Variants in ZDHHC3 observed in about 807,000 individuals in gnomAD.
The protein encoded by ZDHHC3 is zDHHC palmitoyltransferase 3.
Under a neutral mutation model 30.6 loss-of-function variants are expected in ZDHHC3, and 9 were observed. The observed-to-expected ratio is 0.29, with a 90% CI of 0.18 to 0.51. ZDHHC3 has a LOEUF of 0.51. Ranked by LOEUF, ZDHHC3 falls within the 20% of genes least tolerant of loss-of-function variation. The pLI, the probability that ZDHHC3 is intolerant of heterozygous loss-of-function variation, is 0.97. For synonymous variants in ZDHHC3, 136 were observed against 140.2 expected, an observed-to-expected ratio of 0.97 and a Z score of 0.21; for missense variants, 246 against 384.2, an observed-to-expected ratio of 0.64 and a Z score of 3.01.
In ZDHHC3 at chr3:44,926,252, G is replaced by A. The variant is rs1700979925; in HGVS notation, c.*437C>T. The stretch of plus-strand genomic sequence containing the variant: ...GGTTTTATGTCCCATCGGGGAGCCC[G>A]CCACTGCCTCCTGGGCAGTGGGAGG... On this transcript the variant is annotated 3_prime_UTR_variant, in exon 7 of 7. Transcript: ENST00000424952. 7.1e-6 allele frequency: 7 copies of A among 987,132 alleles called. No individual in the cohort carries two copies. Among genetic ancestry groups the A allele is most frequent in the Non-Finnish European group, 8.4e-6 (7 of 831,112 alleles). 61.1% of individuals were successfully genotyped at this position (987,132 alleles called of 1,614,324 possible).
chr3:44,938,959 T>C (rs1218999230), intron 3 of ZDHHC3, among the ~76,000 whole-genome samples: 1 of 152,212 alleles, frequency 6.6e-6, no homozygotes, highest in East Asian at 1.9e-4. Context: ...ACTCGGAGCC[T>C]CTAGTTTCCC....
At chr3:44,970,152 G>T (rs1374415322) in intron 1 of ZDHHC3, among the ~76,000 whole-genome samples, 2 of 152,204 alleles carry the variant, frequency 1.3e-5, no homozygotes, top group African/African-American at 4.8e-5. Context: ...CCTAAAAAGG[G>T]GAGCCATTTG....
Position 44,929,294 on chromosome 3 carries a change from C to T in ZDHHC3, c.741+12G>A. The stretch of plus-strand genomic sequence containing the variant: ...CCAGGTGTGGAAATGGTGGGCAGAG[C>T]CACCTGCTTACCGTCTCATCTGTGC... On this transcript the variant is annotated intron_variant, in intron 6 of 6. Coordinates refer to ENST00000424952, the MANE Select transcript of ZDHHC3 (RefSeq NM_001135179.2). 1 of 1,613,142 alleles carries T rather than the reference C, an allele frequency of 6.2e-7. No individual in the cohort carries two copies. Among genetic ancestry groups the T allele is most frequent in the Non-Finnish European group, 8.5e-7 (1 of 1,179,514 alleles).
At position 44,921,058 on chromosome 3, in the gene ZDHHC3, C is replaced by T. The variant is rs182256747; in HGVS notation, c.*5631G>A. 2.6e-4 allele frequency: 253 copies of T among 985,390 alleles called. 1 individual carries two copies. Among genetic ancestry groups the T allele is most frequent in the South Asian group, 1.4e-3 (30 of 21,286 alleles). The allele number at this position is 985,390 out of a possible 1,614,324, so 61.0% of individuals were successfully genotyped here. A position where few individuals can be genotyped will look rare whatever the true frequency, so the allele number is the denominator to read the frequency against. Reference sequence around the variant, plus strand: ...AATAGTAGCTTCAGGCTCAAGAGAACGAACAAAAATGGTTGATGCCTGGTA... The same window carrying T: ...AATAGTAGCTTCAGGCTCAAGAGAATGAACAAAAATGGTTGATGCCTGGTA... On this transcript the variant is annotated 3_prime_UTR_variant, in exon 7 of 7. Transcript: ENST00000424952.
intron 2 of ZDHHC3, among the ~76,000 whole-genome samples, chr3:44,950,010 A>C (rs975646023): frequency 1.4e-4 from 21 of 151,676 alleles, no homozygotes; most frequent in African/African-American, 4.8e-4. Flanking sequence ...TAATTACAAA[A>C]ATTTTTTAGA....
chr3:44,922,271 C>T lies in ZDHHC3; in HGVS notation c.*4418G>A, dbSNP rs1700645806. On this transcript the variant is annotated 3_prime_UTR_variant, in exon 7 of 7. Coordinates refer to ENST00000424952, the MANE Select transcript of ZDHHC3 (RefSeq NM_001135179.2). ...TTCAGGTCATGTATCCAGGCTGCTA[C>T]AATGCCCCTGGCTCTAGACTACTCA... The T allele has an allele frequency of 1.0e-6, 1 of 985,348 alleles. No individual in the cohort carries two copies. The highest frequency in any genetic ancestry group is 1.2e-6 in the Non-Finnish European group (1 of 829,950). The allele number at this position is 985,348 out of a possible 1,614,324, so 61.0% of individuals were successfully genotyped here.
chr3:44,976,151 G>T lies in ZDHHC3; in HGVS notation c.-243C>A, dbSNP rs1165333203. The T allele has an allele frequency of 1.4e-5, 11 of 764,928 alleles. No homozygotes were observed. The highest frequency in any genetic ancestry group is 1.8e-5 in the Non-Finnish European group (10 of 541,360). 47.4% of individuals were successfully genotyped at this position (764,928 alleles called of 1,614,324 possible). ...CCCGGCAGTGGCGGCGGCCGCGGCT[G>T]CAGGAGCGGCCGCCGCGCAGGTTGA... On this transcript the variant is annotated 5_prime_UTR_variant, in exon 1 of 7. Coordinates refer to ENST00000424952, the MANE Select transcript of ZDHHC3 (RefSeq NM_001135179.2).
intron 1 of ZDHHC3, among the ~76,000 whole-genome samples, chr3:44,960,542 C>T (rs1419095726): frequency 6.6e-6 from 1 of 152,234 alleles, no homozygotes; most frequent in East Asian, 1.9e-4. Context: ...ACAGCATGTG[C>T]TGCAAGACAC....
intron 1 of ZDHHC3, among the ~76,000 whole-genome samples, chr3:44,968,611 G>T (rs1250722326): frequency 6.6e-6 from 1 of 152,166 alleles, no homozygotes; most frequent in Non-Finnish European, 1.5e-5. Context: ...TAGGAGGATC[G>T]CCTGAGCCCA....
In ZDHHC3 at chr3:44,924,700, C is replaced by T; in HGVS notation, c.*1989G>A. 2.0e-6 allele frequency: 2 copies of T among 985,420 alleles called. No homozygotes were observed. The highest frequency in any genetic ancestry group is 2.4e-6 in the Non-Finnish European group (2 of 829,920). 61.0% of individuals were successfully genotyped at this position (985,420 alleles called of 1,614,324 possible). A position where few individuals can be genotyped will look rare whatever the true frequency, so the allele number is the denominator to read the frequency against. On this transcript the variant is annotated 3_prime_UTR_variant, in exon 7 of 7. Transcript: ENST00000424952. Reference sequence around the variant, plus strand: ...CAATCTCTTCCCCCTAGGGGAGGGCCAGAGCTGTAGCCCTGCTCTAGTTAT... The same window carrying T: ...CAATCTCTTCCCCCTAGGGGAGGGCTAGAGCTGTAGCCCTGCTCTAGTTAT...
At chr3:44,964,753 T>G (rs1704786631) in intron 1 of ZDHHC3, among the ~76,000 whole-genome samples, 1 of 152,226 alleles carries the variant, frequency 6.6e-6, no homozygotes, top group Admixed American at 6.5e-5. Context: ...TTTCTGTTCC[T>G]CTAAGTGGCT....
intron 1 of ZDHHC3, among the ~76,000 whole-genome samples, chr3:44,971,833 T>C (rs1575967658): frequency 6.6e-6 from 1 of 152,216 alleles, no homozygotes; most frequent in Admixed American, 6.5e-5. Context: ...GATGAAGACC[T>C]GCTGGCCAGA....
At position 44,959,337 on chromosome 3, in the gene ZDHHC3, C is replaced by T; in HGVS notation, c.100G>A (p.Gly34Arg). Residue 34 changes from glycine to arginine, a missense_variant, in exon 2 of 7, where the codon GGA becomes AGA. Coordinates refer to ENST00000424952, the MANE Select transcript of ZDHHC3 (RefSeq NM_001135179.2). The surrounding 1 kb of genome is among the most constrained non-coding windows in gnomAD (Gnocchi z 4.3). ...CCGTCACGGATAAACCACATGGTTCCCACAGGACCAGGGTAGGGGGGTGGG... is the reference window on the plus strand; with the variant it reads ...CCGTCACGGATAAACCACATGGTTCTCACAGGACCAGGGTAGGGGGGTGGG... ...CVPPPYPGPV[G>R]TMWFIRDGCG... The T allele has an allele frequency of 6.2e-7, 1 of 1,614,240 alleles. No homozygotes were observed. The highest frequency in any genetic ancestry group is 8.5e-7 in the Non-Finnish European group (1 of 1,180,048).
At position 44,920,847 on chromosome 3, in the gene ZDHHC3, A is replaced by G. The variant is rs1050405081; in HGVS notation, c.*5842T>C. ...CTGTCTACCAGAGGTCTTCAGCAGT[A>G]AAGTCGACAAACTTTCAGGGAGTGT... On this transcript the variant is annotated 3_prime_UTR_variant, in exon 7 of 7. Coordinates refer to ENST00000424952, the MANE Select transcript of ZDHHC3 (RefSeq NM_001135179.2). 3 of 985,484 alleles carry G rather than the reference A, an allele frequency of 3.0e-6. No homozygotes were observed. Among genetic ancestry groups the G allele is most frequent in the African/African-American group, 3.5e-5 (2 of 57,384 alleles). 61.0% of individuals were successfully genotyped at this position (985,484 alleles called of 1,614,324 possible).
At position 44,917,867 on chromosome 3, in the gene ZDHHC3, G is replaced by C. The variant is rs1221827870; in HGVS notation, c.*8822C>G. The C allele has an allele frequency of 1.5e-6, 2 of 1,293,680 alleles. No homozygotes were observed. The highest frequency in any genetic ancestry group is 3.0e-5 in the African/African-American group (2 of 65,796). 80.1% of individuals were successfully genotyped at this position (1,293,680 alleles called of 1,614,324 possible). A position where few individuals can be genotyped will look rare whatever the true frequency, so the allele number is the denominator to read the frequency against. ...GGATGAAGGTTGACAGCACTTTTTA[G>C]TGTTTGCTTCTCTCCCCACAGCAGC... On this transcript the variant is annotated 3_prime_UTR_variant, in exon 7 of 7. Transcript: ENST00000424952.
In ZDHHC3 at chr3:44,924,957, A is replaced by G. The variant is rs1193096489; in HGVS notation, c.*1732T>C. On this transcript the variant is annotated 3_prime_UTR_variant, in exon 7 of 7. Coordinates refer to ENST00000424952, the MANE Select transcript of ZDHHC3 (RefSeq NM_001135179.2). Reference sequence around the variant, plus strand: ...AGAGCCCATCAGCACAAAGGAATTGATTCAGGCTGCAGAAAGCAAAGGAAA... The same window carrying G: ...AGAGCCCATCAGCACAAAGGAATTGGTTCAGGCTGCAGAAAGCAAAGGAAA... 4.1e-6 allele frequency: 4 copies of G among 985,624 alleles called. 1 individual carries two copies. The South Asian group carries it at 1.4e-4, about 35-fold the overall frequency. 61.1% of individuals were successfully genotyped at this position (985,624 alleles called of 1,614,324 possible).
Position 44,922,550 on chromosome 3 carries a change from T to C in ZDHHC3, c.*4139A>G. ...GTGGCTTCTCCGCGGAGGGAACACG[T>C]GCCTGTCTCACAATCAGCACACCCC... On this transcript the variant is annotated 3_prime_UTR_variant, in exon 7 of 7. Transcript: ENST00000424952. 2 of 985,380 alleles carry C rather than the reference T, an allele frequency of 2.0e-6. No individual in the cohort carries two copies. Among genetic ancestry groups the C allele is most frequent in the South Asian group, 9.4e-5 (2 of 21,276 alleles). 61.0% of individuals were successfully genotyped at this position (985,380 alleles called of 1,614,324 possible). A position where few individuals can be genotyped will look rare whatever the true frequency, so the allele number is the denominator to read the frequency against.
In ZDHHC3 at chr3:44,923,676, G is replaced by GC; in HGVS notation, c.*3012dup. On this transcript the variant is annotated 3_prime_UTR_variant, in exon 7 of 7. Transcript: ENST00000424952. ...AAATTAGCCAGGCATGGTAGTACGT[G>GC]CCTGTAGCCCTGGATATTCAGGAGG... is the stretch of plus-strand genomic sequence containing the variant. 2 of 763,734 alleles carry GC rather than the reference G, an allele frequency of 2.6e-6. No individual in the cohort carries two copies. The highest frequency in any genetic ancestry group is 5.9e-5 in the South Asian group (1 of 16,814). The allele number at this position is 763,734 out of a possible 1,614,324, so 47.3% of individuals were successfully genotyped here. A position where few individuals can be genotyped will look rare whatever the true frequency, so the allele number is the denominator to read the frequency against.
At chr3:44,927,769 G>A (rs1435685395) in intron 6 of ZDHHC3, among the ~76,000 whole-genome samples, 1 of 152,244 alleles carries the variant, frequency 6.6e-6, no homozygotes, top group East Asian at 1.9e-4. Flanking sequence ...CTGCCCAGAG[G>A]GAAAGGACAG....
Sources: allele counts gnomAD v4.1 joint callset (sites outside exome capture counted in the v4.1 genomes callset), GRCh38; gene constraint gnomAD v4.1.1; non-coding constraint Gnocchi (gnomAD v3.1); transcripts MANE v1.5; gene names NCBI Gene and HGNC (gene_info 2026-07-23, HGNC 2026-07-21).